Variants in GABRA3 observed in about 807,000 individuals in gnomAD.
GABRA3 encodes the protein gamma-aminobutyric acid receptor subunit alpha-3.
In GABRA3, 10 loss-of-function variants were observed where a neutral mutation model predicts 30.1. That is an observed-to-expected ratio of 0.33 (90% CI 0.20 to 0.56). GABRA3 has a LOEUF of 0.56. Among genes scored for constraint, GABRA3 ranks in the 20% least tolerant of loss-of-function variants. The pLI is 0.89. For synonymous variants in GABRA3, 151 were observed against 146.8 expected (o/e 1.03, Z -0.21); for missense variants, 233 against 392.0 (o/e 0.59, Z 3.42).
At chrX:152,201,997 C>G (rs1556763833) in intron 7 of GABRA3, among the ~76,000 whole-genome samples, 1 of 112,427 alleles carries the variant, frequency 8.9e-6, no homozygotes, top group South Asian at 3.7e-4. Flanking sequence ...TACATCCAAA[C>G]TATCCTTTTA....
chrX:152,237,277 C>G lies in GABRA3; in HGVS notation c.552-12432G>C, dbSNP rs777903992. ...AATCCTTTCCCCATTTCTTGTTTTTCTCAGGTTTGTCAAAGATCAGATAGT... is the reference window on the plus strand; with the variant it reads ...AATCCTTTCCCCATTTCTTGTTTTTGTCAGGTTTGTCAAAGATCAGATAGT... On this transcript the variant is annotated intron_variant, in intron 5 of 9. Coordinates refer to ENST00000370314, the MANE Select transcript of GABRA3 (RefSeq NM_000808.4). Among the ~76,000 whole-genome samples, 355 of 108,972 alleles carry G rather than the reference C, an allele frequency of 3.3e-3. 2 individuals carry two copies. The highest frequency in any genetic ancestry group is 0.011 in the African/African-American group (326 of 29,879). 94.6% of individuals were successfully genotyped at this position (108,972 alleles called of 115,157 possible).
chrX:152,176,337 A>G lies in GABRA3; in HGVS notation c.1144-7774T>C, dbSNP rs191178912. Among the ~76,000 whole-genome samples the G allele has an allele frequency of 1.8e-3, 205 of 111,426 alleles. 2 individuals carry two copies. The Middle Eastern group carries it at 0.037, about 20-fold the overall frequency. On this transcript the variant is annotated intron_variant, in intron 9 of 9. Coordinates refer to ENST00000370314, the MANE Select transcript of GABRA3 (RefSeq NM_000808.4). ...ATTGATCTTCCCTACTGTTGGGCAG[A>G]GAATAGATGTGTAGGCACTGAAAGT...
chrX:152,231,227 A>G (rs1014367266), intron 5 of GABRA3, among the ~76,000 whole-genome samples: 1 of 108,136 alleles, frequency 9.2e-6, no homozygotes, highest in Non-Finnish European at 1.9e-5. Flanking sequence ...ATACACGTAT[A>G]TATACACACA....
chrX:152,394,850 T>C (rs1382254112), intron 1 of GABRA3, among the ~76,000 whole-genome samples: 1 of 111,540 alleles, frequency 9.0e-6, no homozygotes, highest in Non-Finnish European at 1.9e-5. Flanking sequence ...TACGGGTATG[T>C]ATGGCATTTT....
chrX:152,343,776 C>T (rs1940349975), intron 3 of GABRA3, among the ~76,000 whole-genome samples: 1 of 112,140 alleles, frequency 8.9e-6, no homozygotes, highest in Admixed American at 9.5e-5. Context: ...ATATATTTAA[C>T]TTTACTTAAT....
At chrX:152,282,316 G>A (rs1307414023) in intron 4 of GABRA3, among the ~76,000 whole-genome samples, 1 of 111,341 alleles carries the variant, frequency 9.0e-6, no homozygotes, top group African/African-American at 3.3e-5. Context: ...GGGAGCCTGG[G>A]TTCTTGGTGA....
At chrX:152,268,280 G>A (rs1013608109) in intron 4 of GABRA3, among the ~76,000 whole-genome samples, 1 of 111,673 alleles carries the variant, frequency 9.0e-6, no homozygotes, top group Non-Finnish European at 1.9e-5. Context: ...ATAATTCCAT[G>A]TCATGGGAGG....
Position 152,168,516 on chromosome X carries a change from G to A in GABRA3, c.1191C>T (p.Asn397=), listed in dbSNP as rs1936964448. 9 of 1,211,064 alleles carry A rather than the reference G, an allele frequency of 7.4e-6. No individual in the cohort carries two copies. Among genetic ancestry groups the A allele is most frequent in the Non-Finnish European group, 8.9e-6 (8 of 894,798 alleles). The part of the protein sequence containing the change: ...APAKKTSTTF[N]IVGTTYPINL... Reference sequence around the variant, plus strand: ...TGATGGGATAGGTGGTCCCCACGATGTTGAAGGTAGTGCTGGTTTTCTTTG... The same window carrying A: ...TGATGGGATAGGTGGTCCCCACGATATTGAAGGTAGTGCTGGTTTTCTTTG... Residue 397 remains asparagine, a synonymous_variant, in exon 10 of 10, where the codon AAC becomes AAT. Coordinates refer to ENST00000370314, the MANE Select transcript of GABRA3 (RefSeq NM_000808.4).
intron 1 of GABRA3, among the ~76,000 whole-genome samples, chrX:152,395,769 CGACAT>C (rs1231636772): frequency 1.8e-5 from 2 of 111,668 alleles, no homozygotes; most frequent in African/African-American, 6.5e-5. Flanking sequence ...AGTAGGAGCC[CGACAT>C]GACTGATATA....
intron 3 of GABRA3, among the ~76,000 whole-genome samples, chrX:152,292,567 T>G (rs1198232064): frequency 8.9e-6 from 1 of 111,834 alleles, no homozygotes; most frequent in Non-Finnish European, 1.9e-5. Flanking sequence ...GCTCTGATCT[T>G]AATTATTTCT....
At chrX:152,337,788 C>T (rs752481805) in intron 3 of GABRA3, among the ~76,000 whole-genome samples, 115 of 111,950 alleles carry the variant, frequency 1.0e-3, no homozygotes, top group Non-Finnish European at 1.7e-3. Context: ...TACTGCACTC[C>T]AGCTCGGGCA....
intron 1 of GABRA3, among the ~76,000 whole-genome samples, chrX:152,439,129 T>A (rs1930852648): frequency 9.1e-6 from 1 of 109,708 alleles, no homozygotes; most frequent in South Asian, 3.9e-4. Flanking sequence ...TTATTATTAT[T>A]ATTATTATTA....
At position 152,170,696 on chromosome X, in the gene GABRA3, G is replaced by A. The variant is rs988184339; in HGVS notation, c.1144-2133C>T. ...CATGGCAAAGAGTTGCAGAAACTGA[G>A]GCTGTGTAAAACAGGCAGCAGCAAG... is the stretch of plus-strand genomic sequence containing the variant. On this transcript the variant is annotated intron_variant, in intron 9 of 9. Transcript: ENST00000370314. Among the ~76,000 whole-genome samples, 17 of 111,873 alleles carry A rather than the reference G, an allele frequency of 1.5e-4. No individual in the cohort carries two copies. In the Admixed American group the frequency reaches 1.6e-3, roughly 11 times the overall value.
At chrX:152,205,378 C>T (rs3947525) in intron 7 of GABRA3, among the ~76,000 whole-genome samples, 1 of 110,149 alleles carries the variant, frequency 9.1e-6, no homozygotes, top group African/African-American at 3.3e-5. Flanking sequence ...GTATCTTAGG[C>T]GGATACTTAA....
intron 3 of GABRA3, among the ~76,000 whole-genome samples, chrX:152,290,352 A>T (rs1353751131): frequency 1.8e-5 from 2 of 110,793 alleles, no homozygotes; most frequent in African/African-American, 6.6e-5. Flanking sequence ...CCACTTTTTG[A>T]TGGGGTTGTT....
chrX:152,275,504 C>T (rs1276402933), intron 4 of GABRA3, among the ~76,000 whole-genome samples: 2 of 31,689 alleles, frequency 6.3e-5, no homozygotes, highest in South Asian at 1.4e-3. Context: ...TGCCTGTAAT[C>T]CCAGCACTTT....
chrX:152,396,052 T>C (rs1929652200), intron 1 of GABRA3, among the ~76,000 whole-genome samples: 1 of 112,011 alleles, frequency 8.9e-6, no homozygotes, highest in African/African-American at 3.2e-5. Context: ...GGTAATAGGG[T>C]CTTTGTAGAT....
intron 1 of GABRA3, among the ~76,000 whole-genome samples, chrX:152,387,960 C>A (rs1399556887): frequency 9.0e-6 from 1 of 110,890 alleles, no homozygotes; most frequent in Non-Finnish European, 1.9e-5. Flanking sequence ...CAGAAAAAAA[C>A]CAAAGATTCA....
At chrX:152,250,678 A>T (rs1045342354) in intron 5 of GABRA3, 1 of 111,355 alleles carries the variant, frequency 9.0e-6, no homozygotes, top group Non-Finnish European at 1.9e-5. Flanking sequence ...AGTAAGCAGC[A>T]GGTAACGGGT....
Sources: gnomAD v4.1 joint callset for allele counts (sites outside exome capture counted in the v4.1 genomes callset) on GRCh38, gnomAD v4.1.1 for gene constraint, MANE v1.5 for transcripts, NCBI Gene and HGNC (gene_info 2026-07-23, HGNC 2026-07-21) for gene names.